Variants in LUC7L2 observed in about 807,000 individuals in gnomAD.
LUC7L2 encodes LUC7 like 2, pre-mRNA splicing factor, also known as putative RNA-binding protein Luc7-like 2.
In LUC7L2, 25 loss-of-function variants were observed where a neutral mutation model predicts 52.8. The ratio of observed to expected loss-of-function variants is 0.47; its 90% CI spans 0.34 to 0.66. The LOEUF is 0.66. Among genes scored for constraint, LUC7L2 ranks in the 30% least tolerant of loss-of-function variants. The probability of loss-of-function intolerance (pLI) is 0.01; values close to 1 mark genes in which losing one functional copy is unlikely to be tolerated. For missense variants in LUC7L2, 328 were observed against 497.8 expected, an observed-to-expected ratio of 0.66 and a Z score of 3.25; for synonymous variants, 144 against 160.9, an observed-to-expected ratio of 0.89 and a Z score of 0.80.
intron 1 of LUC7L2, among the ~76,000 whole-genome samples, chr7:139,343,174 A>G (rs1799086661): frequency 6.6e-6 from 1 of 152,228 alleles, no homozygotes; most frequent in African/African-American, 2.4e-5. Flanking sequence ...TAGAATTCCC[A>G]TGTCAAATTC....
upstream of LUC7L2, among the ~76,000 whole-genome samples, chr7:139,356,289 T>A (rs1411936132): frequency 7.1e-5 from 9 of 126,524 alleles, no homozygotes; most frequent in African/African-American, 2.4e-4. Context: ...CACTCCAGCC[T>A]GGGTGACAGA....
chr7:139,378,932 C>T (rs1800849705), intron 2 of LUC7L2, among the ~76,000 whole-genome samples: 1 of 152,244 alleles, frequency 6.6e-6, no homozygotes, highest in African/African-American at 2.4e-5. Context: ...GGACTACAGG[C>T]AGGAGCCACT....
At chr7:139,362,574 G>A (rs945462153) in intron 1 of LUC7L2, among the ~76,000 whole-genome samples, 1 of 151,822 alleles carries the variant, frequency 6.6e-6, no homozygotes, top group Admixed American at 6.6e-5. Context: ...CAGGAGGTGG[G>A]AGAGAGATGG....
At chr7:139,356,179 G>T, upstream of LUC7L2, among the ~76,000 whole-genome samples, 1 of 151,660 alleles carries the variant, frequency 6.6e-6, no homozygotes, top group Admixed American at 6.6e-5. Flanking sequence ...GTGTGGTGGT[G>T]CATACCTGCA....
At chr7:139,367,875 T>C (rs569386029) in intron 1 of LUC7L2, among the ~76,000 whole-genome samples, 24 of 152,104 alleles carry the variant, frequency 1.6e-4, no homozygotes, top group African/African-American at 4.6e-4. Context: ...GGTTCCACAG[T>C]GGGAATGTGA....
upstream of LUC7L2, among the ~76,000 whole-genome samples, chr7:139,356,088 C>G (rs1241669641): frequency 6.6e-6 from 1 of 152,244 alleles, no homozygotes; most frequent in Admixed American, 6.5e-5. Context: ...GGGCAGATTG[C>G]TTGAGCCCAG....
At chr7:139,347,850 G>C (rs1226798750) in intron 1 of LUC7L2, among the ~76,000 whole-genome samples, 1 of 152,024 alleles carries the variant, frequency 6.6e-6, no homozygotes, top group East Asian at 1.9e-4. Context: ...GCAGGCATTT[G>C]CCACCACACC....
At chr7:139,368,098 A>G (rs1294338722) in intron 1 of LUC7L2, among the ~76,000 whole-genome samples, 2 of 152,188 alleles carry the variant, frequency 1.3e-5, no homozygotes, top group African/African-American at 4.8e-5. Flanking sequence ...TGTTAGAGGG[A>G]GTGCTTCCCT....
chr7:139,404,453 G>A (rs1585122067), intron 4 of LUC7L2, among the ~76,000 whole-genome samples: 1 of 152,186 alleles, frequency 6.6e-6, no homozygotes, highest in African/African-American at 2.4e-5. Flanking sequence ...AGGTTGTAGT[G>A]AACTGAAATC....
chr7:139,394,924 T>A (rs529608263), intron 2 of LUC7L2, among the ~76,000 whole-genome samples: 3 of 152,292 alleles, frequency 2.0e-5, no homozygotes, highest in African/African-American at 7.2e-5. Context: ...ACATTGCACA[T>A]TAAAAATACC....
At chr7:139,355,904 A>G (rs1250786101), upstream of LUC7L2, among the ~76,000 whole-genome samples, 4 of 152,266 alleles carry the variant, frequency 2.6e-5, no homozygotes, top group African/African-American at 9.6e-5. Context: ...TTGTTCAATG[A>G]GTCCATAATG....
intron 1 of LUC7L2, among the ~76,000 whole-genome samples, chr7:139,368,013 G>A (rs1170215276): frequency 2.0e-5 from 3 of 152,204 alleles, no homozygotes; most frequent in Non-Finnish European, 2.9e-5. Flanking sequence ...GGACTAAGCA[G>A]TCGATTCACG....
At chr7:139,405,586 T>C (rs1795084380) in intron 4 of LUC7L2, 58 bp from the exon 5 acceptor site, 4 of 1,513,770 alleles carry the variant, frequency 2.6e-6, no homozygotes, top group East Asian at 2.4e-5. Context: ...TGAAATACTT[T>C]GAAATTTAAA....
chr7:139,393,159 A>G (rs1004373509), intron 2 of LUC7L2, among the ~76,000 whole-genome samples: 6 of 151,864 alleles, frequency 4.0e-5, no homozygotes, highest in Non-Finnish European at 7.4e-5. Flanking sequence ...CCCAGCTAGT[A>G]GGGAGGCCGA....
intron 7 of LUC7L2, among the ~76,000 whole-genome samples, chr7:139,410,135 G>C (rs976855435): frequency 5.3e-5 from 8 of 152,024 alleles, no homozygotes; most frequent in African/African-American, 1.4e-4. Flanking sequence ...TGAACCTGGG[G>C]GGGCAGAGCC....
upstream of LUC7L2, chr7:139,359,891 C>T (rs1334996209): frequency 2.4e-6 from 1 of 417,832 alleles, no homozygotes; most frequent in Non-Finnish European, 4.2e-6. Context: ...GAGGAGCGTG[C>T]GCGCTCCCGT....
chr7:139,375,033 A>G, intron 1 of LUC7L2: 2 of 983,782 alleles, frequency 2.0e-6, no homozygotes, highest in South Asian at 9.4e-5. Flanking sequence ...TCATTCATCG[A>G]TAATATATCA....
intron 8 of LUC7L2, among the ~76,000 whole-genome samples, chr7:139,414,006 A>T (rs1795482272): frequency 6.6e-6 from 1 of 152,240 alleles, no homozygotes; most frequent in South Asian, 2.1e-4. Flanking sequence ...TGTTGAAAAC[A>T]TAAAGTATTG....
At chr7:139,362,651 A>G (rs1799947926) in intron 1 of LUC7L2, among the ~76,000 whole-genome samples, 1 of 144,706 alleles carries the variant, frequency 6.9e-6, no homozygotes, top group Non-Finnish European at 1.5e-5. Flanking sequence ...AATTCCAGAG[A>G]CTATAAAGCA....
Sources: allele counts gnomAD v4.1 joint callset (sites outside exome capture counted in the v4.1 genomes callset), GRCh38; gene constraint gnomAD v4.1.1; transcripts MANE v1.5; gene names NCBI Gene and HGNC (gene_info 2026-07-23, HGNC 2026-07-21).